The following ROR1 variants were observed in gnomAD, a reference collection of about 807,000 sequenced individuals.
ROR1 encodes inactive tyrosine-protein kinase transmembrane receptor ROR1.
Under a neutral mutation model 78.8 loss-of-function variants are expected in ROR1, and 19 were observed. The observed-to-expected ratio is 0.24, with a 90% CI of 0.17 to 0.35. The LOEUF is 0.35. Ranked by LOEUF, ROR1 falls within the 10% of genes least tolerant of loss-of-function variation. The probability of loss-of-function intolerance (pLI) is 1.00; values close to 1 mark genes in which losing one functional copy is unlikely to be tolerated. For missense variants in ROR1, 917 were observed against 1,177.8 expected (o/e 0.78, Z 3.24); for synonymous variants, 386 against 433.6 (o/e 0.89, Z 1.36).
intron 1 of ROR1, among the ~76,000 whole-genome samples, chr1:64,001,446 G>C (rs560098988): frequency 6.6e-6 from 1 of 152,128 alleles, no homozygotes; most frequent in African/African-American, 2.4e-5. Context: ...TCGAATCTAC[G>C]CTTGCAATGA....
At chr1:63,836,915 C>T (rs1225261313) in intron 1 of ROR1, among the ~76,000 whole-genome samples, 3 of 152,178 alleles carry the variant, frequency 2.0e-5, no homozygotes, top group Admixed American at 6.5e-5. Context: ...AGAGGTACCT[C>T]TTATAGCGAT....
chr1:64,016,299 G>A (rs1008503523), intron 2 of ROR1, among the ~76,000 whole-genome samples: 2 of 151,882 alleles, frequency 1.3e-5, no homozygotes, highest in African/African-American at 4.8e-5. Flanking sequence ...CAAAGTGAGG[G>A]GTAGCATCAG....
At chr1:63,788,690 G>A (rs1644706689) in intron 1 of ROR1, 1 of 325,094 alleles carries the variant, frequency 3.1e-6, no homozygotes, top group Non-Finnish European at 6.1e-6. Flanking sequence ...ACAGAAGCCA[G>A]TATGTACAGA....
intron 1 of ROR1, among the ~76,000 whole-genome samples, chr1:63,913,887 C>T (rs1645589749): frequency 6.6e-6 from 1 of 152,138 alleles, no homozygotes; most frequent in African/African-American, 2.4e-5. Flanking sequence ...GTTTAAAACG[C>T]CGTCCTCACA....
At position 64,008,539 on chromosome 1, in the gene ROR1, A is replaced by G. The variant is rs369615396; in HGVS notation, c.92-766A>G. Among the ~76,000 whole-genome samples, 9 of 152,266 alleles carry G rather than the reference A, an allele frequency of 5.9e-5. No homozygotes were observed. The East Asian group carries it at 7.7e-4, about 13-fold the overall frequency. ...TTTTAGCTCTTTGAGAAATCTCCCA[A>G]CTGTTTTCCACAGTGGTGGAACTAA... On this transcript the variant is annotated intron_variant, in intron 1 of 8. Transcript: ENST00000371079.
intron 1 of ROR1, among the ~76,000 whole-genome samples, chr1:63,905,924 A>T (rs1645524551): frequency 6.6e-6 from 1 of 152,216 alleles, no homozygotes. Context: ...AAAATAATGT[A>T]CTTGAGGTTA....
intron 4 of ROR1, among the ~76,000 whole-genome samples, chr1:64,082,164 A>G (rs574755991): frequency 6.6e-6 from 1 of 152,182 alleles, no homozygotes; most frequent in East Asian, 1.9e-4. Flanking sequence ...CAAGGCTTGA[A>G]CCCTGGGAAA....
intron 4 of ROR1, chr1:64,113,644 A>C (rs6701483): frequency 6.6e-6 from 1 of 151,992 alleles, no homozygotes; most frequent in Non-Finnish European, 1.5e-5. Flanking sequence ...GAACAATTAC[A>C]AGTGTGTCTG....
intron 4 of ROR1, among the ~76,000 whole-genome samples, chr1:64,092,329 G>A (rs1237640659): frequency 1.3e-5 from 2 of 152,152 alleles, no homozygotes; most frequent in African/African-American, 4.8e-5. Context: ...AGAACACTGA[G>A]CTTGACATCA....
At chr1:63,997,320 A>T (rs541577932) in intron 1 of ROR1, among the ~76,000 whole-genome samples, 1 of 152,322 alleles carries the variant, frequency 6.6e-6, no homozygotes, top group African/African-American at 2.4e-5. Flanking sequence ...TTTTGCAGGA[A>T]AATAATTTTC....
intron 4 of ROR1, among the ~76,000 whole-genome samples, chr1:64,076,134 T>A (rs1488849879): frequency 6.6e-6 from 1 of 152,182 alleles, no homozygotes; most frequent in Non-Finnish European, 1.5e-5. Context: ...GAATCTTATT[T>A]CTTGGAGTAG....
intron 1 of ROR1, among the ~76,000 whole-genome samples, chr1:63,944,818 T>C (rs1229714292): frequency 6.6e-6 from 1 of 152,208 alleles, no homozygotes; most frequent in Non-Finnish European, 1.5e-5. Context: ...AATCTCCTAA[T>C]TGCCTTGGGC....
chr1:63,930,033 G>T (rs1349996545), intron 1 of ROR1, among the ~76,000 whole-genome samples: 1 of 152,012 alleles, frequency 6.6e-6, no homozygotes, highest in East Asian at 1.9e-4. Context: ...TGTTACATAA[G>T]TATACACATG....
chr1:63,910,783 A>G (rs1175103365), intron 1 of ROR1, among the ~76,000 whole-genome samples: 1 of 152,144 alleles, frequency 6.6e-6, no homozygotes, highest in East Asian at 1.9e-4. Flanking sequence ...CACTGCACAA[A>G]TGCCTGTCGA....
At chr1:63,809,454 A>G (rs1010788504) in intron 1 of ROR1, among the ~76,000 whole-genome samples, 11 of 152,238 alleles carry the variant, frequency 7.2e-5, no homozygotes, top group Non-Finnish European at 1.0e-4. Context: ...TCTGAAATAT[A>G]TAGTCTGCTT....
chr1:63,949,824 C>T (rs1315828462), intron 1 of ROR1, among the ~76,000 whole-genome samples: 3 of 152,146 alleles, frequency 2.0e-5, no homozygotes, highest in Admixed American at 2.0e-4. Flanking sequence ...CCTGTCCAGC[C>T]AGTGCCCTAA....
chr1:63,969,511 C>T (rs769116599), intron 1 of ROR1, among the ~76,000 whole-genome samples: 1 of 152,144 alleles, frequency 6.6e-6, no homozygotes, highest in Non-Finnish European at 1.5e-5. Context: ...GGCAGTCTAA[C>T]AACTGTGTAT....
chr1:63,806,594 G>A (rs922704080), intron 1 of ROR1, among the ~76,000 whole-genome samples: 10 of 152,172 alleles, frequency 6.6e-5, no homozygotes, highest in Non-Finnish European at 1.3e-4. Context: ...TGGGATTACA[G>A]GCGTGAGCCA....
At chr1:64,047,600 G>A (rs752590725) in intron 2 of ROR1, among the ~76,000 whole-genome samples, 17 of 152,080 alleles carry the variant, frequency 1.1e-4, no homozygotes, top group Non-Finnish European at 1.8e-4. Flanking sequence ...CTCCACAAAG[G>A]GTACATAGTT....
Sources: allele counts gnomAD v4.1 joint callset (sites outside exome capture counted in the v4.1 genomes callset), GRCh38; gene constraint gnomAD v4.1.1; transcripts MANE v1.5; gene names NCBI Gene and HGNC (gene_info 2026-07-23, HGNC 2026-07-21).